OCA2: variants seen among roughly 807,000 people sequenced by gnomAD.
OCA2 encodes the protein OCA2 melanosomal transmembrane protein.
Under a neutral mutation model 100.2 loss-of-function variants are expected in OCA2, and 77 were observed. The ratio of observed to expected loss-of-function variants is 0.77; its 90% CI spans 0.64 to 0.93. The LOEUF (loss-of-function observed/expected upper bound fraction) is 0.93, where lower values mean the gene tolerates loss of function less well. Among genes scored for constraint, OCA2 ranks in the 40% least tolerant of loss-of-function variants. The pLI, the probability that OCA2 is intolerant of heterozygous loss-of-function variation, is 0.00. For synonymous variants in OCA2, 432 were observed against 439.2 expected (o/e 0.98, Z 0.21); for missense variants, 1,062 against 1,089.1 (o/e 0.98, Z 0.35).
At chr15:27,771,155 G>T (rs11854502) in intron 23 of OCA2, among the ~76,000 whole-genome samples, 4,462 of 135,350 alleles carry the variant, frequency 0.033, 216 homozygotes, top group African/African-American at 0.11. Flanking sequence ...TCCCCTTGCA[G>T]CGACACCCCC....
intron 14 of OCA2, among the ~76,000 whole-genome samples, chr15:27,968,344 G>A (rs995077559): frequency 2.0e-5 from 3 of 152,090 alleles, no homozygotes; most frequent in African/African-American, 4.8e-5. Context: ...CACGACCATG[G>A]GGAATGACAG....
intron 23 of OCA2, among the ~76,000 whole-genome samples, chr15:27,816,411 A>C (rs952057356): frequency 2.6e-5 from 4 of 152,208 alleles, no homozygotes; most frequent in African/African-American, 9.7e-5. Flanking sequence ...TTGTGTTTTC[A>C]GATACCTGCT....
intron 18 of OCA2, among the ~76,000 whole-genome samples, chr15:27,931,766 A>C (rs988914425): frequency 6.6e-6 from 1 of 152,254 alleles, no homozygotes; most frequent in Non-Finnish European, 1.5e-5. Context: ...CAGTTATTGA[A>C]TACGATGTAT....
intron 23 of OCA2, among the ~76,000 whole-genome samples, chr15:27,807,099 C>A (rs1013956362): frequency 2.0e-5 from 3 of 151,420 alleles, no homozygotes; most frequent in Non-Finnish European, 2.9e-5. Flanking sequence ...CCCCGGCCCG[C>A]CCACCTCTGG....
chr15:27,837,729 C>G (rs2035204920), intron 23 of OCA2, among the ~76,000 whole-genome samples: 1 of 151,784 alleles, frequency 6.6e-6, no homozygotes, highest in Non-Finnish European at 1.5e-5. Flanking sequence ...GACAGGCAGG[C>G]ATGCATCACC....
chr15:27,784,740 A>C (rs1473131647), intron 23 of OCA2, among the ~76,000 whole-genome samples: 1 of 152,194 alleles, frequency 6.6e-6, no homozygotes, highest in Non-Finnish European at 1.5e-5. Flanking sequence ...AAATCTCAGA[A>C]AGTAATTAGT....
chr15:27,864,062 C>T (rs1296902473), intron 21 of OCA2, among the ~76,000 whole-genome samples: 8 of 152,074 alleles, frequency 5.3e-5, no homozygotes, highest in Non-Finnish European at 7.4e-5. Flanking sequence ...ACTTCTGGGC[C>T]GGCAGTGCCC....
intron 16 of OCA2, among the ~76,000 whole-genome samples, chr15:27,956,724 G>A (rs550748368): frequency 1.3e-4 from 20 of 152,312 alleles, no homozygotes; most frequent in Admixed American, 4.6e-4. Flanking sequence ...ATTACTGGGC[G>A]AGATGGGTCC....
chr15:28,050,539 T>G (rs2043478613), intron 2 of OCA2, among the ~76,000 whole-genome samples: 4 of 136,720 alleles, frequency 2.9e-5, no homozygotes, highest in East Asian at 2.2e-4. Flanking sequence ...CCAGCCTGGG[T>G]GACAGGGTGA....
At chr15:28,094,593 G>A (rs2044934239) in intron 1 of OCA2, among the ~76,000 whole-genome samples, 2 of 152,208 alleles carry the variant, frequency 1.3e-5, no homozygotes, top group Admixed American at 1.3e-4. Context: ...GTTCAGAGTC[G>A]GTGGAACCTT....
intron 21 of OCA2, among the ~76,000 whole-genome samples, chr15:27,862,818 T>C (rs1003702707): frequency 2.6e-5 from 4 of 152,222 alleles, no homozygotes; most frequent in Non-Finnish European, 5.9e-5. Context: ...GCCATTCCAA[T>C]ATACAATAGT....
Position 28,085,081 on chromosome 15 carries a change from C to T in OCA2, c.-21-3186G>A, listed in dbSNP as rs573611948. 2.6e-5 allele frequency among the ~76,000 whole-genome samples: 4 copies of T among 152,280 alleles called. No homozygotes were observed. The East Asian group carries it at 7.7e-4, about 29-fold the overall frequency. On this transcript the variant is annotated intron_variant, in intron 1 of 23. Transcript: ENST00000354638. Reference sequence around the variant, plus strand: ...TAGAGTCTGCCACCTGTGGCCAAATCCCAACCCTGCTCAGCAGCTGAACAT... The same window carrying T: ...TAGAGTCTGCCACCTGTGGCCAAATTCCAACCCTGCTCAGCAGCTGAACAT...
At chr15:28,079,546 C>T (rs891163229) in intron 2 of OCA2, among the ~76,000 whole-genome samples, 28 of 152,138 alleles carry the variant, frequency 1.8e-4, no homozygotes, top group African/African-American at 6.5e-4. Flanking sequence ...CCCGAGAGCC[C>T]GCACTGTGGG....
At chr15:28,038,196 C>T (rs1157511020) in intron 2 of OCA2, among the ~76,000 whole-genome samples, 1 of 152,146 alleles carries the variant, frequency 6.6e-6, no homozygotes, top group Non-Finnish European at 1.5e-5. Flanking sequence ...AACTAGCAGG[C>T]AGTGGTAAGG....
chr15:28,071,389 G>A (rs567531882), intron 2 of OCA2, among the ~76,000 whole-genome samples: 108 of 152,138 alleles, frequency 7.1e-4, no homozygotes, highest in African/African-American at 2.5e-3. Context: ...AACTACCAAC[G>A]TTCTTTACAG....
chr15:27,966,612 A>G lies in OCA2; in HGVS notation c.1636+78T>C, dbSNP rs4778218. ...AGCAACCCATCAACAGATACTTCCT[A>G]ATAAGAACTTCTCCTGGTAAACAAA... On this transcript the variant is annotated intron_variant, in intron 15 of 23. Coordinates refer to ENST00000354638, the MANE Select transcript of OCA2 (RefSeq NM_000275.3). 1,282,560 of 1,543,398 alleles carry G rather than the reference A, an allele frequency of 0.83. 536,341 individuals are homozygous for G. The highest frequency in any genetic ancestry group is 1 in the East Asian group (44,296 of 44,384).
intron 22 of OCA2, among the ~76,000 whole-genome samples, chr15:27,851,002 C>T (rs2035727884): frequency 6.6e-6 from 1 of 152,222 alleles, no homozygotes; most frequent in Non-Finnish European, 1.5e-5. Context: ...AGAGTCTCCC[C>T]TTCTAGCTGA....
intron 23 of OCA2, among the ~76,000 whole-genome samples, chr15:27,838,067 G>T (rs1046677370): frequency 6.6e-6 from 1 of 151,984 alleles, no homozygotes; most frequent in Non-Finnish European, 1.5e-5. Flanking sequence ...AACAGAGCAT[G>T]AGAATCTAAA....
intron 23 of OCA2, among the ~76,000 whole-genome samples, chr15:27,805,303 G>C (rs753801664): frequency 2.6e-5 from 4 of 152,250 alleles, no homozygotes; most frequent in Admixed American, 6.5e-5. Context: ...GCAGTAAATC[G>C]GAGGCGATAA....
Sources: gnomAD v4.1 joint callset for allele counts (sites outside exome capture counted in the v4.1 genomes callset) on GRCh38, gnomAD v4.1.1 for gene constraint, MANE v1.5 for transcripts, NCBI Gene and HGNC (gene_info 2026-07-23, HGNC 2026-07-21) for gene names.